Variants in MAP2K5 observed in about 807,000 individuals in gnomAD.
MAP2K5 encodes mitogen-activated protein kinase kinase 5.
A neutral mutation model predicts 83.1 loss-of-function variants in MAP2K5; 49 were observed. That is an observed-to-expected ratio of 0.59 (90% CI 0.47 to 0.75). The LOEUF (loss-of-function observed/expected upper bound fraction) is 0.75. Among genes scored for constraint, MAP2K5 ranks in the 30% least tolerant of loss-of-function variants. The pLI is 0.00. For synonymous variants in MAP2K5, 202 were observed against 191.8 expected (o/e 1.05, Z -0.44); for missense variants, 457 against 557.5 (o/e 0.82, Z 1.82).
intron 15 of MAP2K5, among the ~76,000 whole-genome samples, chr15:67,701,732 T>C (rs1230519304): frequency 6.6e-6 from 1 of 152,168 alleles, no homozygotes; most frequent in East Asian, 1.9e-4. Flanking sequence ...TAGAGATTCT[T>C]ATTCTGGAGG....
intron 6 of MAP2K5, among the ~76,000 whole-genome samples, chr15:67,588,384 C>T (rs1193178019): frequency 6.6e-6 from 1 of 152,236 alleles, no homozygotes; most frequent in Non-Finnish European, 1.5e-5. Context: ...AGAACTGTCC[C>T]TGATTACTAC....
intron 13 of MAP2K5, 48 bp from the exon 14 acceptor site, chr15:67,692,431 T>C (rs750864385): frequency 2.2e-6 from 3 of 1,338,592 alleles, no homozygotes; most frequent in South Asian, 1.2e-5. Flanking sequence ...GAACAAACGC[T>C]GTAGATACAT....
intron 4 of MAP2K5, among the ~76,000 whole-genome samples, chr15:67,583,346 A>G (rs1484284961): frequency 6.6e-6 from 1 of 152,172 alleles, no homozygotes; most frequent in Non-Finnish European, 1.5e-5. Flanking sequence ...GGAGGAAATT[A>G]TATGAGATGT....
Position 67,665,168 on chromosome 15 carries a change from A to G in MAP2K5, c.847+523A>G, listed in dbSNP as rs758956694. Among the ~76,000 whole-genome samples the G allele has an allele frequency of 2.0e-5, 3 of 152,182 alleles. No individual in the cohort carries two copies. The highest frequency in any genetic ancestry group is 2.9e-5 in the Non-Finnish European group (2 of 68,036). On this transcript the variant is annotated intron_variant, in intron 13 of 21. Transcript: ENST00000178640. This position sits in a 1 kb window ranked among gnomAD's most constrained non-coding sequence, Gnocchi z 4.2. ...GAGTGCTAGGATTCAGGCGGGAGCC[A>G]CCGCGCCTGGCCAAAAGTAAAACTT... is the stretch of plus-strand genomic sequence containing the variant.
Position 67,748,082 on chromosome 15 carries a change from A to C in MAP2K5, c.1075-149A>C. ...GCCTATAAATGAGAAGCGAGCTATTAACATTTGTGTATTTTCATTATGTAA... is the reference window on the plus strand; with the variant it reads ...GCCTATAAATGAGAAGCGAGCTATTCACATTTGTGTATTTTCATTATGTAA... On this transcript the variant is annotated intron_variant, in intron 17 of 21. Coordinates refer to ENST00000178640, the MANE Select transcript of MAP2K5 (RefSeq NM_145160.3). The surrounding 1 kb of genome is among the most constrained non-coding windows in gnomAD (Gnocchi z 4.0). 1.7e-6 allele frequency: 1 copy of C among 588,268 alleles called. No individual in the cohort carries two copies. The highest frequency in any genetic ancestry group is 2.9e-5 in the Admixed American group (1 of 34,186). The allele number at this position is 588,268 out of a possible 1,614,324, so 36.4% of individuals were successfully genotyped here. A position where few individuals can be genotyped will look rare whatever the true frequency, so the allele number is the denominator to read the frequency against.
chr15:67,713,111 C>G (rs945101127), intron 16 of MAP2K5, among the ~76,000 whole-genome samples: 10 of 152,072 alleles, frequency 6.6e-5, no homozygotes, highest in Admixed American at 3.9e-4. Context: ...TTGCCCTTCT[C>G]TTAGTATTCC....
chr15:67,762,565 C>CAAAAAAA (rs5813455), intron 19 of MAP2K5, among the ~76,000 whole-genome samples: 2 of 119,870 alleles, frequency 1.7e-5, no homozygotes, highest in Non-Finnish European at 3.5e-5. Flanking sequence ...AAATGACAGA[C>CAAAAAAA]AAAAAAAAAA....
chr15:67,650,673 A>G (rs1210000652), intron 11 of MAP2K5, among the ~76,000 whole-genome samples: 2 of 152,058 alleles, frequency 1.3e-5, no homozygotes, highest in African/African-American at 2.4e-5. Flanking sequence ...GCAGTGTTGG[A>G]ATTATTCCAC....
rs1303845371 is a variant in MAP2K5 at position 67,628,410 on chromosome 15, G to T, written c.546-2478G>T. 5.5e-6 allele frequency: 3 copies of T among 543,938 alleles called. No homozygotes were observed. In the Admixed American group the frequency reaches 9.5e-5, roughly 17 times the overall value. The allele number at this position is 543,938 out of a possible 1,614,324, so 33.7% of individuals were successfully genotyped here. A position where few individuals can be genotyped will look rare whatever the true frequency, so the allele number is the denominator to read the frequency against. On this transcript the variant is annotated intron_variant, in intron 8 of 21. Transcript: ENST00000178640. The stretch of plus-strand genomic sequence containing the variant: ...CAGGAGCATTGCTTGAACCCAGGAG[G>T]CAGTGGCTGTGGTGAGCCAAGATCG...
chr15:67,743,571 T>G (rs1450717135), intron 17 of MAP2K5, among the ~76,000 whole-genome samples: 1 of 152,246 alleles, frequency 6.6e-6, no homozygotes, highest in Non-Finnish European at 1.5e-5. Flanking sequence ...AGTGATTTGT[T>G]TGGGAACTCT....
At chr15:67,646,517 T>C (rs1252900580) in intron 11 of MAP2K5, 48 bp downstream of exon 11, 1 of 1,114,154 alleles carries the variant, frequency 9.0e-7, no homozygotes, top group African/African-American at 1.6e-5. Context: ...TTAGAGTATA[T>C]AGTGCTTTAA....
At chr15:67,601,837 A>G (rs2085665732) in intron 8 of MAP2K5, among the ~76,000 whole-genome samples, 3 of 152,246 alleles carry the variant, frequency 2.0e-5, no homozygotes, top group Non-Finnish European at 2.9e-5. Flanking sequence ...AATCTGATCC[A>G]GTCACCCATT....
rs2090713191 is a variant in MAP2K5, at chr15:67,801,899, A to G, written c.1243-4747A>G. ...GAAAGTTATAGAAAGAGATGAAAGT[A>G]TGGGGACCCCAAATAGGTACATTCC... On this transcript the variant is annotated intron_variant, in intron 21 of 21. Transcript: ENST00000178640. This position sits in a 1 kb window ranked among gnomAD's most constrained non-coding sequence, Gnocchi z 4.8. Among the ~76,000 whole-genome samples the G allele has an allele frequency of 6.6e-6, 1 of 152,358 alleles. No homozygotes were observed. Among genetic ancestry groups the G allele is most frequent in the African/African-American group, 2.4e-5 (1 of 41,596 alleles).
At chr15:67,566,299 C>T (rs966751254) in intron 3 of MAP2K5, among the ~76,000 whole-genome samples, 4 of 152,046 alleles carry the variant, frequency 2.6e-5, no homozygotes, top group African/African-American at 7.2e-5. Flanking sequence ...CTCAGCCTCC[C>T]GGGTAGCTGG....
At position 67,579,957 on chromosome 15, in the gene MAP2K5, A is replaced by G. The variant is rs1300211582; in HGVS notation, c.253-797A>G. Reference sequence around the variant, plus strand: ...CAGTTTTCATTGTGGATATTTTTCCACTAGGAGCATCACTTTGTTATTTGT... The same window carrying G: ...CAGTTTTCATTGTGGATATTTTTCCGCTAGGAGCATCACTTTGTTATTTGT... On this transcript the variant is annotated intron_variant, in intron 3 of 21. Coordinates refer to ENST00000178640, the MANE Select transcript of MAP2K5 (RefSeq NM_145160.3). Among the ~76,000 whole-genome samples the G allele has an allele frequency of 3.9e-5, 6 of 152,286 alleles. No homozygotes were observed. The South Asian group carries it at 6.2e-4, about 16-fold the overall frequency.
rs1235206206 is a variant in MAP2K5 at position 67,801,541 on chromosome 15, G to T, written c.1243-5105G>T. Among the ~76,000 whole-genome samples the T allele has an allele frequency of 2.0e-5, 3 of 152,180 alleles. No individual in the cohort carries two copies. The highest frequency in any genetic ancestry group is 4.4e-5 in the Non-Finnish European group (3 of 68,036). ...CTCCCCAGAGAGACACCACCAGTAG[G>T]CAGGCAGTGTGGTGTCTTCCATGGT... On this transcript the variant is annotated intron_variant, in intron 21 of 21. Coordinates refer to ENST00000178640, the MANE Select transcript of MAP2K5 (RefSeq NM_145160.3). The surrounding 1 kb of genome is among the most constrained non-coding windows in gnomAD (Gnocchi z 4.8).
chr15:67,634,651 G>A (rs1024781555), intron 9 of MAP2K5, among the ~76,000 whole-genome samples: 8 of 151,792 alleles, frequency 5.3e-5, no homozygotes, highest in East Asian at 1.9e-4. Flanking sequence ...TTGATAAATC[G>A]GCCTCATTGA....
rs574405281 is a variant in MAP2K5 at position 67,782,775 on chromosome 15, A to G, written c.1242+10023A>G. Reference sequence around the variant, plus strand: ...GGGGAAGGCAGATCGGCAACCCTGGAATGCTGGTTTATGCAGGGCCTGTGG... The same window carrying G: ...GGGGAAGGCAGATCGGCAACCCTGGGATGCTGGTTTATGCAGGGCCTGTGG... On this transcript the variant is annotated intron_variant, in intron 21 of 21. Transcript: ENST00000178640. The surrounding 1 kb of genome is among the most constrained non-coding windows in gnomAD (Gnocchi z 4.9). Among the ~76,000 whole-genome samples the G allele has an allele frequency of 6.6e-6, 1 of 152,318 alleles. No individual in the cohort carries two copies. Among genetic ancestry groups the G allele is most frequent in the East Asian group, 1.9e-4 (1 of 5,188 alleles).
Position 67,575,637 on chromosome 15 carries a change from G to A in MAP2K5, c.253-5117G>A, listed in dbSNP as rs539495287. On this transcript the variant is annotated intron_variant, in intron 3 of 21. Transcript: ENST00000178640. ...CTTAACTTGTAAGCAATAAATATAC[G>A]TTTTATGCCCTGAGTGCATGGCATG... 5.3e-5 allele frequency among the ~76,000 whole-genome samples: 8 copies of A among 152,242 alleles called. No individual in the cohort carries two copies. The East Asian group carries it at 1.4e-3, about 26-fold the overall frequency.
Sources: gnomAD v4.1 joint callset for allele counts (sites outside exome capture counted in the v4.1 genomes callset) on GRCh38, gnomAD v4.1.1 for gene constraint, Gnocchi (gnomAD v3.1) non-coding constraint, MANE v1.5 for transcripts, NCBI Gene and HGNC (gene_info 2026-07-23, HGNC 2026-07-21) for gene names.